Variants in DNAJC6 observed in about 807,000 individuals in gnomAD.
DNAJC6 encodes DnaJ heat shock protein family (Hsp40) member C6, also known as auxilin.
A neutral mutation model predicts 110.0 loss-of-function variants in DNAJC6; 34 were observed. That is an observed-to-expected ratio of 0.31 (90% CI 0.24 to 0.41). The LOEUF is 0.41. DNAJC6 is among the 10% of genes least tolerant of loss of function. The pLI, the probability that DNAJC6 is intolerant of heterozygous loss-of-function variation, is 1.00. For missense variants in DNAJC6, 1,031 were observed against 1,207.8 expected, an observed-to-expected ratio of 0.85 and a Z score of 2.17; for synonymous variants, 406 against 437.2, an observed-to-expected ratio of 0.93 and a Z score of 0.89.
chr1:65,377,364 C>T (rs1396433271), intron 4 of DNAJC6, among the ~76,000 whole-genome samples: 1 of 152,080 alleles, frequency 6.6e-6, no homozygotes, highest in Non-Finnish European at 1.5e-5. Context: ...AAGTCATTTC[C>T]GTTCCTTGAA....
chr1:65,385,065 A>G lies in DNAJC6; in HGVS notation c.801-647A>G, dbSNP rs558502654. Among the ~76,000 whole-genome samples, 11 of 152,254 alleles carry G rather than the reference A, an allele frequency of 7.2e-5. No homozygotes were observed. The South Asian group carries it at 1.9e-3, about 26-fold the overall frequency. On this transcript the variant is annotated intron_variant, in intron 6 of 18. Coordinates refer to ENST00000371069, the MANE Select transcript of DNAJC6 (RefSeq NM_001256864.2). ...TCTAAGACCAGTCCCTTTTTGTTTT[A>G]TTATACAGGTCTTTATTGAAAAACA...
intron 1 of DNAJC6, among the ~76,000 whole-genome samples, chr1:65,320,767 A>G (rs549338975): frequency 6.6e-5 from 10 of 152,252 alleles, no homozygotes; most frequent in Middle Eastern, 3.4e-3. Context: ...AATTCTATGG[A>G]GGGCTAGAGC....
chr1:65,281,470 C>T (rs180953276), intron 1 of DNAJC6, among the ~76,000 whole-genome samples: 49 of 152,236 alleles, frequency 3.2e-4, no homozygotes, highest in Admixed American at 8.5e-4. Flanking sequence ...TTTGTCCCTG[C>T]GGATTTGCCT....
chr1:65,368,477 C>T (rs572765068), intron 4 of DNAJC6, among the ~76,000 whole-genome samples: 12 of 151,924 alleles, frequency 7.9e-5, no homozygotes, highest in Non-Finnish European at 1.3e-4. Context: ...ACACACCCTT[C>T]GTCTCCTTCC....
At chr1:65,291,820 C>T (rs901119211) in intron 1 of DNAJC6, among the ~76,000 whole-genome samples, 2 of 152,136 alleles carry the variant, frequency 1.3e-5, no homozygotes, top group African/African-American at 2.4e-5. Context: ...GATAACTTGA[C>T]TAACACAACT....
At position 65,386,821 on chromosome 1, in the gene DNAJC6, T is replaced by C; in HGVS notation, c.1005T>C (p.Arg335=). The C allele has an allele frequency of 6.2e-7, 1 of 1,614,032 alleles. No homozygotes were observed. Among genetic ancestry groups the C allele is most frequent in the East Asian group, 2.2e-5 (1 of 44,872 alleles). The change falls in exon 8 of 19, where the codon CGT becomes CGC. Residue 335 remains arginine, a synonymous_variant. Transcript: ENST00000371069. ...CTDFERMKEY[R]VQDGKIFIPL... ...TGGTCTGTGTTTACAGAGAATATCGTGTCCAAGATGGAAAAATCTTCATTC... is the reference window on the plus strand; with the variant it reads ...TGGTCTGTGTTTACAGAGAATATCGCGTCCAAGATGGAAAAATCTTCATTC...
chr1:65,333,874 G>A (rs1645310860), intron 1 of DNAJC6, among the ~76,000 whole-genome samples: 1 of 152,142 alleles, frequency 6.6e-6, no homozygotes, highest in Admixed American at 6.5e-5. Context: ...TTAAGGATTT[G>A]TAGGTTGTTT....
intron 4 of DNAJC6, among the ~76,000 whole-genome samples, chr1:65,376,464 G>T (rs1645767468): frequency 6.6e-6 from 1 of 151,520 alleles, no homozygotes. Flanking sequence ...CCAGTTCCTT[G>T]AGGTGTATTG....
intron 1 of DNAJC6, among the ~76,000 whole-genome samples, chr1:65,317,665 C>T (rs1645160523): frequency 6.6e-6 from 1 of 152,174 alleles, no homozygotes; most frequent in African/African-American, 2.4e-5. Context: ...TGGTGTAGTA[C>T]TCTACCTGGT....
At chr1:65,407,117 A>G (rs903480233) in intron 16 of DNAJC6, among the ~76,000 whole-genome samples, 6 of 152,188 alleles carry the variant, frequency 3.9e-5, no homozygotes, top group African/African-American at 1.4e-4. Flanking sequence ...ATTGTGCACT[A>G]TTATGAGTAG....
At position 65,392,813 on chromosome 1, in the gene DNAJC6, A is replaced by G; in HGVS notation, c.1851A>G (p.Pro617=). ...GACCTGCGTCTACCCAGTCAACACC[A>G]CGCCGCTCTGCCACCTCCACCTCTG... The part of the protein sequence containing the change: ...PSGPASTQST[P]RRSATSTSAS... Residue 617 remains proline, a synonymous_variant, in exon 12 of 19, where the codon CCA becomes CCG. Coordinates refer to ENST00000371069, the MANE Select transcript of DNAJC6 (RefSeq NM_001256864.2). The G allele has an allele frequency of 6.4e-7, 1 of 1,570,472 alleles. No individual in the cohort carries two copies. The highest frequency in any genetic ancestry group is 8.6e-7 in the Non-Finnish European group (1 of 1,160,186).
chr1:65,351,457 T>C (rs778855483), intron 1 of DNAJC6, among the ~76,000 whole-genome samples: 3 of 152,206 alleles, frequency 2.0e-5, no homozygotes, highest in Non-Finnish European at 4.4e-5. Context: ...AAAGTAGATA[T>C]AAAGTATTCA....
intron 4 of DNAJC6, among the ~76,000 whole-genome samples, chr1:65,371,763 A>T (rs1223180273): frequency 6.6e-6 from 1 of 152,162 alleles, no homozygotes; most frequent in African/African-American, 2.4e-5. Context: ...GTGTCCTCTG[A>T]TGCTAAGCAA....
chr1:65,283,679 G>A (rs1031664947), intron 1 of DNAJC6, among the ~76,000 whole-genome samples: 23 of 152,300 alleles, frequency 1.5e-4, no homozygotes, highest in African/African-American at 3.4e-4. Context: ...CCAATAGTGC[G>A]ATTGCTGGAT....
At chr1:65,306,972 TTCTCTCTC>T (rs144458447), upstream of DNAJC6, among the ~76,000 whole-genome samples, 12,611 of 89,646 alleles carry the variant, frequency 0.14, 951 homozygotes, top group Non-Finnish European at 0.17. Context: ...CTCAATCTGT[TTCTCTCTC>T]TCTCTCTCTC....
intron 1 of DNAJC6, among the ~76,000 whole-genome samples, chr1:65,336,605 A>C (rs574451478): frequency 6.6e-6 from 1 of 152,274 alleles, no homozygotes; most frequent in Admixed American, 6.5e-5. Flanking sequence ...GCCCCTCTGG[A>C]TTATTGTGAA....
chr1:65,330,018 A>C (rs1298480267), intron 1 of DNAJC6, among the ~76,000 whole-genome samples: 3 of 152,204 alleles, frequency 2.0e-5, no homozygotes, highest in African/African-American at 7.2e-5. Context: ...TTTACAGATG[A>C]AGAAACTTGA....
At chr1:65,389,872 G>C (rs185063878) in intron 11 of DNAJC6, among the ~76,000 whole-genome samples, 46 of 152,238 alleles carry the variant, frequency 3.0e-4, no homozygotes, top group African/African-American at 1.1e-3. Context: ...AATTAGGTGG[G>C]AGTGGTGGCA....
Position 65,337,865 on chromosome 1 carries a change from G to A in DNAJC6, c.194-26770G>A, listed in dbSNP as rs191118608. On this transcript the variant is annotated intron_variant, in intron 1 of 18. Coordinates refer to ENST00000371069, the MANE Select transcript of DNAJC6 (RefSeq NM_001256864.2). ...GGATCCAATCTCTCGAGTATATAGA[G>A]GGACATCAGTATTCTTACTAATGAC... 3.2e-3 allele frequency among the ~76,000 whole-genome samples: 488 copies of A among 152,236 alleles called. 4 individuals are homozygous for A. The highest frequency in any genetic ancestry group is 0.011 in the African/African-American group (456 of 41,530).
Sources: gnomAD v4.1 joint callset for allele counts (sites outside exome capture counted in the v4.1 genomes callset) on GRCh38, gnomAD v4.1.1 for gene constraint, MANE v1.5 for transcripts, NCBI Gene and HGNC (gene_info 2026-07-23, HGNC 2026-07-21) for gene names.